The following NUP62CL variants were observed in gnomAD, a reference collection of about 807,000 sequenced individuals.
The protein encoded by NUP62CL is nucleoporin 62 C-terminal like, also known as nucleoporin-62 C-terminal-like protein.
NUP62CL carries 13 observed loss-of-function variants against 15.3 expected under a neutral mutation model. The ratio of observed to expected loss-of-function variants is 0.85; its 90% CI spans 0.55 to 1.35. NUP62CL has a LOEUF of 1.35. NUP62CL is among the 40% of genes most tolerant of loss of function. The probability of loss-of-function intolerance (pLI) is 0.00; values close to 1 mark genes in which losing one functional copy is unlikely to be tolerated. For synonymous variants in NUP62CL, 54 were observed against 49.2 expected (o/e 1.10, Z -0.41); for missense variants, 123 against 130.6 (o/e 0.94, Z 0.28).
intron 3 of NUP62CL, among the ~76,000 whole-genome samples, chrX:107,168,130 G>C (rs1301832393): frequency 1.8e-5 from 2 of 111,524 alleles, no homozygotes; most frequent in Non-Finnish European, 3.8e-5. Context: ...TTCAAGAAAA[G>C]AATAATTGCA....
intron 2 of NUP62CL, among the ~76,000 whole-genome samples, chrX:107,179,469 G>A (rs1350161910): frequency 1.8e-5 from 2 of 111,225 alleles, no homozygotes; most frequent in African/African-American, 6.5e-5. Context: ...TAATGTCCAT[G>A]TGTACCTACC....
Position 107,153,500 on chromosome X carries a change from G to C in NUP62CL, c.349C>G (p.Arg117Gly), listed in dbSNP as rs373308527. 9.1e-7 allele frequency: 1 copy of C among 1,098,607 alleles called. No homozygotes were observed. Among genetic ancestry groups the C allele is most frequent in the Non-Finnish European group, 1.2e-6 (1 of 818,116 alleles). The allele number at this position is 1,098,607 out of a possible 1,213,427, so 90.5% of individuals were successfully genotyped here. A position where few individuals can be genotyped will look rare whatever the true frequency, so the allele number is the denominator to read the frequency against. The change falls in exon 6 of 9, where the codon CGT becomes GGT. Residue 117 changes from arginine (R) to glycine (G), a missense_variant. Arg to Gly is a moderately radical substitution (Grantham distance 125). Transcript: ENST00000372466. ...HTLIENGEMI[R>G]ILHGEVNKVK... ...TTGTTCACTTCTCCATGTAAAATAC[G>C]AATCTATAAAGAGAAATATGAATAC...
At chrX:107,186,644 A>G (rs1200757063) in intron 2 of NUP62CL, among the ~76,000 whole-genome samples, 1 of 111,725 alleles carries the variant, frequency 9.0e-6, no homozygotes, top group East Asian at 2.8e-4. Context: ...CACTCCTGTA[A>G]TCCTAGCACG....
intron 8 of NUP62CL, among the ~76,000 whole-genome samples, chrX:107,145,829 A>G (rs1404566400): frequency 9.1e-6 from 1 of 110,398 alleles, no homozygotes; most frequent in East Asian, 2.8e-4. Context: ...CTTGCTTCGA[A>G]TTTTTTTTCT....
chrX:107,127,818 A>T (rs1925424329), intron 8 of NUP62CL, among the ~76,000 whole-genome samples: 1 of 112,268 alleles, frequency 8.9e-6, no homozygotes, highest in African/African-American at 3.2e-5. Flanking sequence ...AGTTAAAAAC[A>T]CAAATAGGCA....
At chrX:107,141,040 G>A (rs2147794555) in intron 8 of NUP62CL, among the ~76,000 whole-genome samples, 1 of 112,502 alleles carries the variant, frequency 8.9e-6, no homozygotes, top group South Asian at 3.7e-4. Flanking sequence ...TTCATCTGGG[G>A]AGTCTCTCCA....
At chrX:107,139,741 G>A (rs1296081) in intron 8 of NUP62CL, among the ~76,000 whole-genome samples, 5,991 of 111,660 alleles carry the variant, frequency 0.054, 404 homozygotes, top group African/African-American at 0.19. Context: ...ATGTTAGTGA[G>A]GTTGTTAGTT....
chrX:107,153,217 C>A lies in NUP62CL; in HGVS notation c.485G>T (p.Ser162Ile), dbSNP rs202006097. The A allele has an allele frequency of 1.7e-6, 2 of 1,208,175 alleles. No homozygotes were observed. The highest frequency in any genetic ancestry group is 2.2e-6 in the Non-Finnish European group (2 of 893,460). ...TYLEESTRDQSGLHYLQDADE... is the reference protein window; with the variant it reads ...TYLEESTRDQIGLHYLQDADE... ...TGCATCCTGCAGATAATGAAGTCCA[C>A]TCTGGTCACGCGTAGACTCCTCTAA... The change falls in exon 7 of 9, where the codon AGT becomes ATT. Residue 162 changes from serine to isoleucine, a missense_variant. Physicochemically the swap from Ser to Ile is moderately radical, Grantham distance 142. Coordinates refer to ENST00000372466, the MANE Select transcript of NUP62CL (RefSeq NM_017681.3).
intron 3 of NUP62CL, among the ~76,000 whole-genome samples, chrX:107,170,841 T>C (rs1926634760): frequency 8.9e-6 from 1 of 112,723 alleles, no homozygotes; most frequent in South Asian, 3.6e-4. Flanking sequence ...GAAAGTTCTA[T>C]CACAGTCTGA....
chrX:107,146,711 C>T (rs141619387), intron 8 of NUP62CL, among the ~76,000 whole-genome samples: 2,770 of 111,184 alleles, frequency 0.025, 99 homozygotes, highest in African/African-American at 0.085. Context: ...TCTGTTACTA[C>T]TACTATTCTT....
At chrX:107,173,076 T>C (rs762004142) in intron 3 of NUP62CL, among the ~76,000 whole-genome samples, 8 of 112,131 alleles carry the variant, frequency 7.1e-5, no homozygotes, top group Non-Finnish European at 1.5e-4. Flanking sequence ...AAGGTTATAA[T>C]ATCAAGTGTT....
In NUP62CL at chrX:107,175,061, A is replaced by C; in HGVS notation, c.58+28T>G. 3 of 1,112,370 alleles carry C rather than the reference A, an allele frequency of 2.7e-6. No individual in the cohort carries two copies. In the South Asian group the frequency reaches 5.6e-5, roughly 21 times the overall value. The allele number at this position is 1,112,370 out of a possible 1,213,427, so 91.7% of individuals were successfully genotyped here. ...GTAAGGTGGCATCATGGGAAATAAC[A>C]GTATTTTCTTTAGAATTAGTAACTT... On this transcript the variant is annotated intron_variant, in intron 3 of 8. Coordinates refer to ENST00000372466, the MANE Select transcript of NUP62CL (RefSeq NM_017681.3).
At chrX:107,177,454 A>AG (rs1266272101) in intron 2 of NUP62CL, among the ~76,000 whole-genome samples, 1 of 111,712 alleles carries the variant, frequency 9.0e-6, no homozygotes, top group East Asian at 2.8e-4. Flanking sequence ...GATGGGATTA[A>AG]GGTTAAAAAC....
intron 2 of NUP62CL, among the ~76,000 whole-genome samples, chrX:107,182,375 C>T (rs770583481): frequency 4.5e-5 from 5 of 112,074 alleles, no homozygotes; most frequent in Non-Finnish European, 9.4e-5. Flanking sequence ...CAACTGTCTC[C>T]AGCTGAGAAC....
At chrX:107,152,099 G>GATAGATAT (rs1926041595) in intron 7 of NUP62CL, among the ~76,000 whole-genome samples, 1 of 38,835 alleles carries the variant, frequency 2.6e-5, no homozygotes, top group African/African-American at 1.6e-4. Context: ...TATATATTCA[G>GATAGATAT]ATATATATAT....
At chrX:107,134,529 C>T (rs1372569377) in intron 8 of NUP62CL, among the ~76,000 whole-genome samples, 1 of 111,940 alleles carries the variant, frequency 8.9e-6, no homozygotes, top group East Asian at 2.8e-4. Context: ...TCTGGGCTCA[C>T]TGCAACCTCC....
In NUP62CL at chrX:107,123,470, TG is replaced by T. The variant is rs1434116985; in HGVS notation, c.*904del. 9.0e-6 allele frequency: 1 copy of T among 111,552 alleles called. No individual in the cohort carries two copies. Among genetic ancestry groups the T allele is most frequent in the Non-Finnish European group, 1.9e-5 (1 of 53,057 alleles). 9.2% of individuals were successfully genotyped at this position (111,552 alleles called of 1,213,427 possible). Reference sequence around the variant, plus strand: ...TTTAATAGTTAATTTCAGTATTACATGTTTTTTTTTAGGACATTACCTTTAT... The same window carrying T: ...TTTAATAGTTAATTTCAGTATTACATTTTTTTTTTAGGACATTACCTTTAT... On this transcript the variant is annotated 3_prime_UTR_variant, in exon 9 of 9. Coordinates refer to ENST00000372466, the MANE Select transcript of NUP62CL (RefSeq NM_017681.3).
intron 8 of NUP62CL, chrX:107,132,164 G>A: frequency 8.8e-7 from 1 of 1,140,724 alleles, no homozygotes; most frequent in South Asian, 1.8e-5. Flanking sequence ...AACCTGAGTT[G>A]TGAACAGGAG....
chrX:107,175,529 T>A (rs970674978), intron 2 of NUP62CL, among the ~76,000 whole-genome samples: 1 of 111,736 alleles, frequency 8.9e-6, no homozygotes, highest in African/African-American at 3.3e-5. Context: ...AGCAAAAAGT[T>A]CCAGCAAAAA....
Sources: allele counts gnomAD v4.1 joint callset (sites outside exome capture counted in the v4.1 genomes callset), GRCh38; gene constraint gnomAD v4.1.1; transcripts MANE v1.5; gene names NCBI Gene and HGNC (gene_info 2026-07-23, HGNC 2026-07-21).